The following LOC400499 variants were observed in gnomAD, a reference collection of about 807,000 sequenced individuals.
chr16:11,523,154 G>A, the LOC400499 span, among the ~76,000 whole-genome samples: 2 of 152,170 alleles, frequency 1.3e-5, no homozygotes, highest in African/African-American at 4.8e-5. Context: ...TTCCACCTGG[G>A]GCCCACAGGC....
the LOC400499 span, among the ~76,000 whole-genome samples, chr16:11,421,708 A>C: frequency 6.6e-6 from 1 of 152,104 alleles, no homozygotes; most frequent in Non-Finnish European, 1.5e-5. Context: ...TGTTTGTATG[A>C]AATTTCCAGA....
At chr16:11,428,177 T>C in the LOC400499 span, among the ~76,000 whole-genome samples, 200 of 152,118 alleles carry the variant, frequency 1.3e-3, 1 homozygote, top group Non-Finnish European at 2.4e-3. Context: ...CCCCTTTGTG[T>C]TTATTTTATT....
the LOC400499 span, among the ~76,000 whole-genome samples, chr16:11,382,085 C>A: frequency 8.6e-5 from 13 of 151,904 alleles, no homozygotes; most frequent in African/African-American, 3.1e-4. Flanking sequence ...TACAGGAGCC[C>A]GCCACCACAC....
the LOC400499 span, among the ~76,000 whole-genome samples, chr16:11,436,397 T>C: frequency 2.0e-5 from 3 of 151,536 alleles, no homozygotes; most frequent in Non-Finnish European, 4.4e-5. Flanking sequence ...CCAACAAGGG[T>C]GCTGAAGGGA....
At chr16:11,517,958 C>T in the LOC400499 span, among the ~76,000 whole-genome samples, 4 of 152,304 alleles carry the variant, frequency 2.6e-5, no homozygotes, top group African/African-American at 7.2e-5. Context: ...AGGGGGGCAG[C>T]GGTCACTCTC....
At chr16:11,448,940 C>G in the LOC400499 span, 16 of 1,490,146 alleles carry the variant, frequency 1.1e-5, no homozygotes, top group Admixed American at 1.2e-4. Context: ...GCCTGTAGGC[C>G]GCTGTTAGGT....
At chr16:11,471,523 A>C in the LOC400499 span, 3 of 398,344 alleles carry the variant, frequency 7.5e-6, no homozygotes, top group African/African-American at 2.1e-5. Flanking sequence ...GTCCAGAAGA[A>C]ACCTACAGCA....
At chr16:11,493,005 A>G in the LOC400499 span, among the ~76,000 whole-genome samples, 2 of 152,116 alleles carry the variant, frequency 1.3e-5, no homozygotes, top group Non-Finnish European at 2.9e-5. Context: ...GCATGTGCAA[A>G]GGGCCTGGGG....
the LOC400499 span, among the ~76,000 whole-genome samples, chr16:11,414,884 G>A: frequency 3.3e-5 from 5 of 152,140 alleles, no homozygotes; most frequent in Non-Finnish European, 7.4e-5. Flanking sequence ...AACCTGAAAT[G>A]ACCTCGCTCA....
At chr16:11,514,947 T>C in the LOC400499 span, among the ~76,000 whole-genome samples, 1 of 152,114 alleles carries the variant, frequency 6.6e-6, no homozygotes, top group Non-Finnish European at 1.5e-5. Flanking sequence ...TGCAGATGTT[T>C]GGTATTTACA....
chr16:11,418,534 C>G, the LOC400499 span, among the ~76,000 whole-genome samples: 327 of 152,304 alleles, frequency 2.1e-3, 1 homozygote, highest in African/African-American at 7.4e-3. Flanking sequence ...CCTATATTGT[C>G]TAAAAAGGGG....
chr16:11,488,928 G>A, the LOC400499 span: 22 of 398,218 alleles, frequency 5.5e-5, no homozygotes, highest in Non-Finnish European at 9.3e-5. Flanking sequence ...AGCTGGCGCT[G>A]TCCAGAGAAA....
At chr16:11,398,455 C>T in the LOC400499 span, 14 of 1,232,256 alleles carry the variant, frequency 1.1e-5, no homozygotes, top group Admixed American at 4.2e-5. Context: ...GCCCCGAGGA[C>T]GTGCTCCAGC....
chr16:11,523,300 C>T, the LOC400499 span: 1 of 397,820 alleles, frequency 2.5e-6, no homozygotes, highest in Non-Finnish European at 4.4e-6. Flanking sequence ...GGAGCATAGT[C>T]AGGGCCCTCT....
chr16:11,445,927 G>A, the LOC400499 span, among the ~76,000 whole-genome samples: 1 of 150,324 alleles, frequency 6.7e-6, no homozygotes, highest in East Asian at 2.0e-4. Flanking sequence ...TCTGCCTCCT[G>A]GGTTCTCCTG....
At chr16:11,473,974 C>A in the LOC400499 span, among the ~76,000 whole-genome samples, 7 of 152,150 alleles carry the variant, frequency 4.6e-5, no homozygotes, top group Non-Finnish European at 8.8e-5. Context: ...TCCTGTCAGC[C>A]TTCCAAGTAG....
the LOC400499 span, among the ~76,000 whole-genome samples, chr16:11,448,358 T>G: frequency 1.4e-4 from 21 of 152,192 alleles, no homozygotes; most frequent in African/African-American, 5.1e-4. Flanking sequence ...TTTGCTAAAG[T>G]GACCAGGGTC....
chr16:11,486,671 G>A, the LOC400499 span, among the ~76,000 whole-genome samples: 17 of 111,456 alleles, frequency 1.5e-4, no homozygotes, highest in African/African-American at 6.2e-4. Context: ...GGGTGGGTAG[G>A]TGGATGGGTG....
At chr16:11,384,944 A>C in the LOC400499 span, 1 of 1,232,112 alleles carries the variant, frequency 8.1e-7, no homozygotes, top group Admixed American at 4.2e-5. Flanking sequence ...GTCACAGGAG[A>C]CAGACACCCC....
Sources: allele counts gnomAD v4.1 joint callset (sites outside exome capture counted in the v4.1 genomes callset), GRCh38; gene constraint gnomAD v4.1.1; transcripts MANE v1.5.